The following PHF14 variants were observed in gnomAD, a reference collection of about 807,000 sequenced individuals.
The protein encoded by PHF14 is PHD finger protein 14.
PHF14 carries 55 observed loss-of-function variants against 117.9 expected under a neutral mutation model. The observed-to-expected ratio is 0.47, with a 90% CI of 0.38 to 0.58. The LOEUF is 0.58. Among genes scored for constraint, PHF14 ranks in the 20% least tolerant of loss-of-function variants. PHF14 has a pLI of 0.00. For missense variants in PHF14, 978 were observed against 1,122.2 expected (o/e 0.87, Z 1.84); for synonymous variants, 409 against 368.6 (o/e 1.11, Z -1.26).
intron 4 of PHF14, among the ~76,000 whole-genome samples, chr7:11,007,888 A>G (rs77155628): frequency 1.4e-3 from 210 of 152,268 alleles, no homozygotes; most frequent in Non-Finnish European, 2.4e-3. Flanking sequence ...TGAATTTATA[A>G]TTGTTTACTG....
At chr7:11,097,939 G>T (rs1177280842) in intron 16 of PHF14, among the ~76,000 whole-genome samples, 1 of 152,102 alleles carries the variant, frequency 6.6e-6, no homozygotes, top group Non-Finnish European at 1.5e-5. Flanking sequence ...GTGTATGTGT[G>T]TGTGTAGATA....
intron 5 of PHF14, chr7:11,014,888 GTTTTT>G (rs200630564): frequency 2.9e-5 from 4 of 139,950 alleles, no homozygotes; most frequent in African/African-American, 1.0e-4. Flanking sequence ...CATCTTCCAT[GTTTTT>G]TTTTTTTTTA....
At chr7:11,105,058 G>A (rs2128342180) in intron 16 of PHF14, 1 of 902,320 alleles carries the variant, frequency 1.1e-6, no homozygotes, top group South Asian at 5.1e-5. Context: ...CACTGACTAT[G>A]GAAACAGCAC....
At chr7:11,006,925 A>G (rs112279901) in intron 4 of PHF14, 11 of 460,814 alleles carry the variant, frequency 2.4e-5, no homozygotes, top group African/African-American at 2.0e-4. Flanking sequence ...CTTTAATCCC[A>G]GCATGTTGGG....
At chr7:11,084,837 A>G (rs551540983) in intron 16 of PHF14, among the ~76,000 whole-genome samples, 1 of 151,958 alleles carries the variant, frequency 6.6e-6, no homozygotes, top group East Asian at 1.9e-4. Flanking sequence ...ATGTTTATTC[A>G]CTCATATATT....
chr7:11,144,955 T>C (rs2128352176), intron 17 of PHF14, among the ~76,000 whole-genome samples: 1 of 152,048 alleles, frequency 6.6e-6, no homozygotes, highest in South Asian at 2.1e-4. Flanking sequence ...AAGGAGAGAA[T>C]GAGGTATTTT....
chr7:11,038,673 A>G (rs1274557329), intron 10 of PHF14, 87 bp from the exon 11 acceptor site: 3 of 337,508 alleles, frequency 8.9e-6, no homozygotes, highest in Non-Finnish European at 1.5e-5. Flanking sequence ...AAAAAAAATT[A>G]TATATATATA....
At chr7:11,158,687 T>G (rs1176644581) in intron 17 of PHF14, among the ~76,000 whole-genome samples, 1 of 152,130 alleles carries the variant, frequency 6.6e-6, no homozygotes, top group Non-Finnish European at 1.5e-5. Flanking sequence ...AATGGGGATT[T>G]AAATAAGATA....
Position 10,980,053 on chromosome 7 carries a change from G to A in PHF14, c.113-2319G>A, listed in dbSNP as rs112120827. On this transcript the variant is annotated intron_variant, in intron 2 of 17. Transcript: ENST00000634607. ...AGGAGTCTCAATTTACCTCTCATTT[G>A]AAAAAATAATTAATTAATTGGCATT... Among the ~76,000 whole-genome samples the A allele has an allele frequency of 3.5e-3, 525 of 152,062 alleles. 1 individual carries two copies. Among genetic ancestry groups the A allele is most frequent in the African/African-American group, 0.012 (507 of 41,516 alleles).
intron 17 of PHF14, among the ~76,000 whole-genome samples, chr7:11,137,469 C>T (rs1314485057): frequency 6.6e-6 from 1 of 151,332 alleles, no homozygotes; most frequent in Non-Finnish European, 1.5e-5. Flanking sequence ...TTTTCATTTA[C>T]TTTAGCTGGA....
intron 4 of PHF14, among the ~76,000 whole-genome samples, chr7:11,011,430 A>C (rs1256203580): frequency 1.3e-5 from 2 of 152,220 alleles, no homozygotes; most frequent in African/African-American, 4.8e-5. Flanking sequence ...GAAGTCTTTT[A>C]GGAGACGATC....
At chr7:11,157,853 T>G (rs1056934276) in intron 17 of PHF14, among the ~76,000 whole-genome samples, 4 of 152,152 alleles carry the variant, frequency 2.6e-5, no homozygotes, top group African/African-American at 9.6e-5. Context: ...TAACTCTGAT[T>G]GCCTCTGCAC....
At chr7:11,082,675 C>T (rs1786195497) in intron 16 of PHF14, among the ~76,000 whole-genome samples, 1 of 152,162 alleles carries the variant, frequency 6.6e-6, no homozygotes, top group Non-Finnish European at 1.5e-5. Flanking sequence ...TAAACATACT[C>T]AGTTTATCCT....
intron 17 of PHF14, among the ~76,000 whole-genome samples, chr7:11,144,172 C>A (rs189519819): frequency 2.6e-5 from 4 of 152,066 alleles, no homozygotes; most frequent in African/African-American, 9.7e-5. Context: ...TGAGATTTCT[C>A]ATCCCAGTTA....
intron 12 of PHF14, 58 bp from the exon 13 acceptor site, chr7:11,042,625 A>G: frequency 1.6e-6 from 2 of 1,223,384 alleles, no homozygotes; most frequent in Non-Finnish European, 2.3e-6. Context: ...TGCTATAAGT[A>G]AACTGTTTCA....
rs774265467 is a variant in PHF14 at position 11,022,926 on chromosome 7, A to G, written c.1264A>G (p.Lys422Glu). ...VPGVAFGDIDKLRPVTLTEMN... is the reference protein window; with the variant it reads ...VPGVAFGDIDELRPVTLTEMN... The stretch of plus-strand genomic sequence containing the variant: ...TGGAGTAGCCTTTGGAGATATTGAC[A>G]AATTACGACCAGTAACACTAACGGA... Residue 422 changes from lysine to glutamate, a missense_variant, in exon 6 of 18, where the codon AAA becomes GAA. Lys to Glu is a moderately conservative substitution (Grantham distance 56, BLOSUM62 1). Transcript: ENST00000634607. 1.2e-6 allele frequency: 2 copies of G among 1,611,526 alleles called. No individual in the cohort carries two copies. Among genetic ancestry groups the G allele is most frequent in the Non-Finnish European group, 1.7e-6 (2 of 1,178,330 alleles).
intron 4 of PHF14, among the ~76,000 whole-genome samples, chr7:11,012,593 A>C (rs1783390103): frequency 6.6e-6 from 1 of 152,230 alleles, no homozygotes; most frequent in South Asian, 2.1e-4. Flanking sequence ...AGGGCAATTG[A>C]ATTGAAGTAT....
chr7:11,014,039 G>C, intron 5 of PHF14, 133 bp downstream of exon 5: 1 of 551,592 alleles, frequency 1.8e-6, no homozygotes, highest in Non-Finnish European at 3.1e-6. Context: ...TAGAATAAAT[G>C]ACCAGTGGGA....
chr7:11,114,752 TAC>T (rs1787550306), intron 17 of PHF14, among the ~76,000 whole-genome samples: 1 of 152,010 alleles, frequency 6.6e-6, no homozygotes, highest in African/African-American at 2.4e-5. Context: ...GGCACAAATA[TAC>T]ACACATACAA....
Sources: gnomAD v4.1 joint callset for allele counts (sites outside exome capture counted in the v4.1 genomes callset) on GRCh38, gnomAD v4.1.1 for gene constraint, MANE v1.5 for transcripts, NCBI Gene and HGNC (gene_info 2026-07-23, HGNC 2026-07-21) for gene names.